The following NCBP2L variants were observed in gnomAD, a reference collection of about 807,000 sequenced individuals.
NCBP2L encodes the protein nuclear cap binding protein subunit 2 like.
For missense variants in NCBP2L, 95 were observed against 53.1 expected, an observed-to-expected ratio of 1.79 and a Z score of -2.45; for synonymous variants, 39 against 19.2, an observed-to-expected ratio of 2.04 and a Z score of -2.70.
intron 1 of NCBP2L, among the ~76,000 whole-genome samples, chrX:107,791,325 C>T (rs1257998715): frequency 9.0e-6 from 1 of 111,045 alleles, no homozygotes; most frequent in Non-Finnish European, 1.9e-5. Flanking sequence ...TGGCTCACTT[C>T]AGCCTCGATC....
chrX:107,787,401 T>G (rs1930401816), intron 1 of NCBP2L, among the ~76,000 whole-genome samples: 1 of 112,159 alleles, frequency 8.9e-6, no homozygotes, highest in Non-Finnish European at 1.9e-5. Flanking sequence ...GTTTATTTAT[T>G]TATTTGTACA....
At chrX:107,781,472 A>ATTTTTTTTTTTTTTT (rs769639335) in intron 1 of NCBP2L, among the ~76,000 whole-genome samples, 4 of 73,865 alleles carry the variant, frequency 5.4e-5, no homozygotes, top group African/African-American at 2.7e-4. Context: ...CGCCCGGCTA[A>ATTTTTTTTTTTTTTT]TTTTTTTTTT....
At chrX:107,791,493 G>A (rs759690481) in intron 1 of NCBP2L, among the ~76,000 whole-genome samples, 1 of 112,235 alleles carries the variant, frequency 8.9e-6, no homozygotes, top group East Asian at 2.8e-4. Flanking sequence ...CAATCCACCT[G>A]CCTCGGCCTC....
chrX:107,783,652 C>T (rs1051680465), intron 1 of NCBP2L, among the ~76,000 whole-genome samples: 7 of 109,652 alleles, frequency 6.4e-5, no homozygotes, highest in African/African-American at 1.3e-4. Context: ...GGATTACAGA[C>T]GTGAGCCACT....
At chrX:107,789,116 C>T (rs1930419220) in intron 1 of NCBP2L, among the ~76,000 whole-genome samples, 1 of 108,695 alleles carries the variant, frequency 9.2e-6, no homozygotes, top group Non-Finnish European at 1.9e-5. Context: ...TGCTAACACT[C>T]ATTTTCCTGT....
At chrX:107,778,884 A>G (rs1930227947) in intron 1 of NCBP2L, among the ~76,000 whole-genome samples, 1 of 112,182 alleles carries the variant, frequency 8.9e-6, no homozygotes, top group South Asian at 3.7e-4. Context: ...AGAGCTGCAG[A>G]CAGACAAAAA....
intron 1 of NCBP2L, among the ~76,000 whole-genome samples, chrX:107,778,870 A>G (rs764568475): frequency 8.9e-6 from 1 of 112,442 alleles, no homozygotes; most frequent in African/African-American, 3.2e-5. Flanking sequence ...CTAGCTGCAG[A>G]AACAGAGCTG....
chrX:107,780,665 G>T (rs1459204641), intron 1 of NCBP2L, among the ~76,000 whole-genome samples: 3 of 97,218 alleles, frequency 3.1e-5, no homozygotes, highest in Non-Finnish European at 6.1e-5. Flanking sequence ...AGTCTTGCTT[G>T]GTCACCAAGG....
chrX:107,794,637 T>C lies in NCBP2L; in HGVS notation c.417T>C (p.Asp139=). ...AGGTAAGGGATGAGTTTCGTGAAGA[T>C]TTTCATTCTGGTAGAGGAGGCTTTG... is the stretch of plus-strand genomic sequence containing the variant. ...GGQVRDEFRE[D]FHSGRGGFGR... The change falls in exon 2 of 2, where the codon GAT becomes GAC. Residue 139 remains aspartate, a synonymous_variant. Transcript: ENST00000509000. 1.8e-6 allele frequency: 1 copy of C among 569,502 alleles called. No individual in the cohort carries two copies. The highest frequency in any genetic ancestry group is 3.1e-4 in the Middle Eastern group (1 of 3,246). The allele number at this position is 569,502 out of a possible 1,213,427, so 46.9% of individuals were successfully genotyped here.
At chrX:107,794,039 G>T (rs1930485224) in intron 1 of NCBP2L, 110 bp from the exon 2 acceptor site, 2 of 374,773 alleles carry the variant, frequency 5.3e-6, no homozygotes, top group African/African-American at 5.1e-5. Flanking sequence ...GATCCTTATG[G>T]TCAGGAGCTG....
At chrX:107,782,382 T>TAA (rs1930336208) in intron 1 of NCBP2L, among the ~76,000 whole-genome samples, 4 of 63,649 alleles carry the variant, frequency 6.3e-5, no homozygotes, top group Middle Eastern at 6.4e-3. Context: ...TATATATATA[T>TAA]ATACCCACAC....
chrX:107,787,730 T>C (rs189375729), intron 1 of NCBP2L, among the ~76,000 whole-genome samples: 1 of 112,062 alleles, frequency 8.9e-6, no homozygotes, highest in South Asian at 3.7e-4. Flanking sequence ...AGGAACAGTC[T>C]TATAAAGGTA....
chrX:107,790,562 C>T (rs1173373044), intron 1 of NCBP2L, among the ~76,000 whole-genome samples: 1 of 111,208 alleles, frequency 9.0e-6, no homozygotes, highest in Non-Finnish European at 1.9e-5. Context: ...GCCCAAATAA[C>T]GTCAGACTGA....
chrX:107,781,597 G>A (rs1930270105), intron 1 of NCBP2L, among the ~76,000 whole-genome samples: 1 of 99,336 alleles, frequency 1.0e-5, no homozygotes, highest in Non-Finnish European at 2.0e-5. Flanking sequence ...ACAGGCGTGA[G>A]CCACCACACC....
At chrX:107,790,610 G>C (rs1381602984) in intron 1 of NCBP2L, among the ~76,000 whole-genome samples, 1 of 111,030 alleles carries the variant, frequency 9.0e-6, no homozygotes, top group Non-Finnish European at 1.9e-5. Context: ...CATACACACT[G>C]TTCTCTCTGC....
intron 1 of NCBP2L, among the ~76,000 whole-genome samples, chrX:107,781,824 A>ATT (rs1252272768): frequency 1.6e-3 from 152 of 96,510 alleles, no homozygotes; most frequent in African/African-American, 2.6e-3. Context: ...AGATATCTAT[A>ATT]TATAGAGAGA....
chrX:107,782,209 AAAT>A lies in NCBP2L; in HGVS notation c.-73+4353_-73+4355del, dbSNP rs1930307301. Among the ~76,000 whole-genome samples the A allele has an allele frequency of 9.3e-5, 2 of 21,578 alleles. 1 individual carries two copies. The highest frequency in any genetic ancestry group is 4.3e-4 in the African/African-American group (2 of 4,674). The allele number at this position is 21,578 out of a possible 115,157, so 18.7% of individuals were successfully genotyped here. ...TATATATATATAAATATATATATAT[AAAT>A]ATATATATAAATATATATATATAAA... On this transcript the variant is annotated intron_variant, in intron 1 of 1. Coordinates refer to ENST00000509000, the MANE Select transcript of NCBP2L (RefSeq NM_001348372.2).
At chrX:107,792,846 T>A (rs1424239287) in intron 1 of NCBP2L, among the ~76,000 whole-genome samples, 1 of 112,011 alleles carries the variant, frequency 8.9e-6, no homozygotes, top group Non-Finnish European at 1.9e-5. Flanking sequence ...ACAAAGTAGA[T>A]CCCCAATAAA....
intron 1 of NCBP2L, among the ~76,000 whole-genome samples, chrX:107,787,224 T>G (rs907118212): frequency 2.7e-5 from 3 of 111,821 alleles, no homozygotes; most frequent in African/African-American, 9.7e-5. Flanking sequence ...GGCCATATAG[T>G]GCAAATGATA....
Sources: allele counts gnomAD v4.1 joint callset (sites outside exome capture counted in the v4.1 genomes callset), GRCh38; gene constraint gnomAD v4.1.1; transcripts MANE v1.5; gene names NCBI Gene and HGNC (gene_info 2026-07-23, HGNC 2026-07-21).